The following PYROXD1 variants were observed in gnomAD, a reference collection of about 807,000 sequenced individuals.
PYROXD1 encodes tRNA ligase complex-associated NAD(P)H dehydrogenase PYROXD1.
Under a neutral mutation model 62.0 loss-of-function variants are expected in PYROXD1, and 42 were observed. The ratio of observed to expected loss-of-function variants is 0.68; its 90% confidence interval spans 0.53 to 0.88. The LOEUF (loss-of-function observed/expected upper bound fraction) is 0.88, where lower values mean the gene tolerates loss of function less well. Among genes scored for constraint, PYROXD1 ranks in the 40% least tolerant of loss-of-function variants. The pLI, the probability that PYROXD1 is intolerant of heterozygous loss-of-function variation, is 0.00. For missense variants in PYROXD1, 493 were observed against 604.8 expected, an observed-to-expected ratio of 0.82 and a Z score of 1.94; for synonymous variants, 170 against 206.4, an observed-to-expected ratio of 0.82 and a Z score of 1.51.
intron 10 of PYROXD1, among the ~76,000 whole-genome samples, chr12:21,466,124 G>T (rs1342136424): frequency 6.6e-6 from 1 of 151,254 alleles, no homozygotes; most frequent in Non-Finnish European, 1.5e-5. Context: ...TTGTTCTTTT[G>T]GCTTAGGATT....
Position 21,471,039 on chromosome 12 carries a change from G to A in PYROXD1, c.*2285G>A. 1.9e-6 allele frequency: 3 copies of A among 1,601,908 alleles called. No homozygotes were observed. In the African/African-American group the frequency reaches 4.0e-5, roughly 22 times the overall value. ...ATGTGCCTCATTGTTCAGAAGATTA[G>A]CTTTAGGTCCTATTTTCAAATACGA... On this transcript the variant is annotated 3_prime_UTR_variant, in exon 12 of 12. Coordinates refer to ENST00000240651, the MANE Select transcript of PYROXD1 (RefSeq NM_024854.5).
chr12:21,451,403 G>T (rs1200025539), intron 4 of PYROXD1, among the ~76,000 whole-genome samples: 2 of 151,642 alleles, frequency 1.3e-5, no homozygotes, highest in South Asian at 2.1e-4. Context: ...TTTTTTCTGG[G>T]GGGTGGAGGC....
chr12:21,456,746 T>G (rs1942604706), intron 7 of PYROXD1: 3 of 356,018 alleles, frequency 8.4e-6, no homozygotes, highest in Admixed American at 8.2e-5. Flanking sequence ...CTCTGTAGCG[T>G]GCGAAGCTGT....
chr12:21,469,114 T>A lies in PYROXD1; in HGVS notation c.*360T>A, dbSNP rs183885154. ...GACTAGAACCATTCTTTGTGAAATG[T>A]CAAAATATGGCTATGGTTTCAGGAA... On this transcript the variant is annotated 3_prime_UTR_variant, in exon 12 of 12. Transcript: ENST00000240651. 1.8e-5 allele frequency: 3 copies of A among 170,060 alleles called. No individual in the cohort carries two copies. The Admixed American group carries it at 1.8e-4, about 10-fold the overall frequency. The allele number at this position is 170,060 out of a possible 1,614,324, so 10.5% of individuals were successfully genotyped here. A position where few individuals can be genotyped will look rare whatever the true frequency, so the allele number is the denominator to read the frequency against.
intron 1 of PYROXD1, 22 bp downstream of exon 1, chr12:21,437,836 T>C (rs772330480): frequency 3.1e-6 from 5 of 1,602,962 alleles, no homozygotes; most frequent in Non-Finnish European, 3.4e-6. Context: ...CTCAGGCGGT[T>C]CCGCCTCTTT....
chr12:21,437,969 T>A, intron 1 of PYROXD1, 155 bp downstream of exon 1: 1 of 687,666 alleles, frequency 1.5e-6, no homozygotes, highest in Non-Finnish European at 2.4e-6. Context: ...TAGAAACTGC[T>A]TGGTGGTCCT....
At position 21,461,007 on chromosome 12, in the gene PYROXD1, G is replaced by A. The variant is rs761479355; in HGVS notation, c.751-18G>A. 3 of 1,464,734 alleles carry A rather than the reference G, an allele frequency of 2.0e-6. No individual in the cohort carries two copies. The highest frequency in any genetic ancestry group is 2.8e-6 in the Non-Finnish European group (3 of 1,085,098). 90.7% of individuals were successfully genotyped at this position (1,464,734 alleles called of 1,614,324 possible). On this transcript the variant is annotated intron_variant, in intron 7 of 11. Transcript: ENST00000240651. ...CTTTCTGTAAGTATTATGCTAACCA[G>A]TATTTTCTTAATTTTAGTTTTCTCA...
chr12:21,451,970 T>C, intron 4 of PYROXD1, 111 bp from the exon 5 acceptor site: 1 of 705,748 alleles, frequency 1.4e-6, no homozygotes. Context: ...ATTTTTTTCC[T>C]TTACAAATTC....
intron 2 of PYROXD1, among the ~76,000 whole-genome samples, chr12:21,442,435 A>G (rs755979252): frequency 1.5e-4 from 23 of 152,326 alleles, no homozygotes; most frequent in African/African-American, 3.1e-4. Context: ...CTAGCTTTCA[A>G]TGGCAGCTGA....
At chr12:21,458,275 C>T (rs1175311083) in intron 7 of PYROXD1, among the ~76,000 whole-genome samples, 1 of 152,208 alleles carries the variant, frequency 6.6e-6, no homozygotes, top group African/African-American at 2.4e-5. Flanking sequence ...TCTTCTGCAG[C>T]TTCCTCACTT....
intron 2 of PYROXD1, among the ~76,000 whole-genome samples, chr12:21,440,664 GT>G (rs1355502045): frequency 5.5e-5 from 7 of 127,718 alleles, no homozygotes; most frequent in Non-Finnish European, 1.2e-4. Flanking sequence ...ATTTCTTTCT[GT>G]CACCTAATTT....
chr12:21,438,777 A>G (rs1344374303), intron 1 of PYROXD1, among the ~76,000 whole-genome samples: 1 of 152,208 alleles, frequency 6.6e-6, no homozygotes, highest in African/African-American at 2.4e-5. Context: ...AAGAAACTCA[A>G]GTGTTTCCAT....
intron 4 of PYROXD1, among the ~76,000 whole-genome samples, chr12:21,450,024 ATTTT>A (rs57680030): frequency 0.51 from 71,412 of 140,984 alleles, 17,466 homozygotes; most frequent in Middle Eastern, 0.59. Flanking sequence ...CGCCTGGCTG[ATTTT>A]TTTTTTTTTT....
At chr12:21,455,001 A>G (rs772664849) in intron 5 of PYROXD1, 131 bp from the exon 6 acceptor site, 81 of 441,978 alleles carry the variant, frequency 1.8e-4, no homozygotes, top group Non-Finnish European at 3.0e-4. Context: ...TCCTCTTTAT[A>G]ATCAATCTTT....
At chr12:21,445,809 C>T (rs1942375844) in intron 3 of PYROXD1, among the ~76,000 whole-genome samples, 1 of 152,018 alleles carries the variant, frequency 6.6e-6, no homozygotes, top group Admixed American at 6.6e-5. Flanking sequence ...TATGAACATG[C>T]ATACTATAAT....
At chr12:21,444,429 A>C (rs751734294) in intron 2 of PYROXD1, among the ~76,000 whole-genome samples, 6 of 152,232 alleles carry the variant, frequency 3.9e-5, no homozygotes. Flanking sequence ...TGAGATATGA[A>C]GAGTGATAGA....
At chr12:21,463,781 G>A (rs1459631888) in intron 10 of PYROXD1, among the ~76,000 whole-genome samples, 1 of 151,894 alleles carries the variant, frequency 6.6e-6, no homozygotes, top group East Asian at 1.9e-4. Context: ...TACCCTCACA[G>A]CTTTACCTAC....
At chr12:21,448,220 C>T (rs566421173) in intron 3 of PYROXD1, 26 of 549,276 alleles carry the variant, frequency 4.7e-5, no homozygotes, top group Middle Eastern at 1.1e-3. Context: ...CTTCCCCATC[C>T]ATTTTGTTCT....
At chr12:21,441,856 A>G (rs1942301507) in intron 2 of PYROXD1, among the ~76,000 whole-genome samples, 1 of 152,164 alleles carries the variant, frequency 6.6e-6, no homozygotes, top group South Asian at 2.1e-4. Context: ...CTGTTTTCAG[A>G]AGTATGGGCT....
Sources: allele counts gnomAD v4.1 joint callset (sites outside exome capture counted in the v4.1 genomes callset), GRCh38; gene constraint gnomAD v4.1.1; transcripts MANE v1.5; gene names NCBI Gene and HGNC (gene_info 2026-07-23, HGNC 2026-07-21).